Variants in NUP188 observed in about 807,000 individuals in gnomAD.
NUP188 encodes the protein nucleoporin 188.
A neutral mutation model predicts 223.0 loss-of-function variants in NUP188; 97 were observed. The observed-to-expected ratio is 0.43, with a 90% CI of 0.37 to 0.51. The LOEUF is 0.51. NUP188 is among the 20% of genes least tolerant of loss of function. NUP188 has a pLI of 0.00. For synonymous variants in NUP188, 869 were observed against 828.0 expected (o/e 1.05, Z -0.85); for missense variants, 1,947 against 2,175.6 (o/e 0.89, Z 2.09).
chr9:128,979,213 C>G (rs1471819584), intron 12 of NUP188, 49 bp from the exon 13 acceptor site: 2 of 1,320,756 alleles, frequency 1.5e-6, no homozygotes, highest in Admixed American at 1.7e-5. Flanking sequence ...TAAAGATAGA[C>G]TGGTTCAGCT....
chr9:128,970,401 A>G (rs1267375685), intron 10 of NUP188, among the ~76,000 whole-genome samples: 1 of 152,218 alleles, frequency 6.6e-6, no homozygotes, highest in Non-Finnish European at 1.5e-5. Context: ...AGCCTGTGAA[A>G]GAAGAGGAAA....
intron 17 of NUP188, 76 bp from the exon 18 acceptor site, chr9:128,983,217 G>A: frequency 3.5e-6 from 5 of 1,430,596 alleles, no homozygotes; most frequent in Non-Finnish European, 4.9e-6. Context: ...TGGGGAGAGA[G>A]AAGTGGAAAA....
chr9:128,957,046 G>T lies in NUP188; in HGVS notation c.327+14G>T. On this transcript the variant is annotated intron_variant, in intron 5 of 43. Coordinates refer to ENST00000372577, the MANE Select transcript of NUP188 (RefSeq NM_015354.3). ...GACTCAGTAAAGGTTTGTGGTTTATGTCAGCTCCTTTCTTCTGCCTTTATC... is the reference window on the plus strand; with the variant it reads ...GACTCAGTAAAGGTTTGTGGTTTATTTCAGCTCCTTTCTTCTGCCTTTATC... 6.4e-7 allele frequency: 1 copy of T among 1,565,074 alleles called. No individual in the cohort carries two copies. Among genetic ancestry groups the T allele is most frequent in the Non-Finnish European group, 8.7e-7 (1 of 1,143,712 alleles).
Position 128,999,732 on chromosome 9 carries a change from G to A in NUP188, c.3770G>A (p.Ser1257Asn), listed in dbSNP as rs769307211. ...DQTRHSLALG[S>N]ATEDKDSMET... ...ACCCGCCACAGTCTGGCATTAGGCA[G>A]TGCCACAGAGGACAAGGACAGCATG... Residue 1257 changes from serine to asparagine, a missense_variant, in exon 34 of 44, where the codon AGT (serine) becomes AAT (asparagine). Around this residue, in one of 3 missense-constraint regions of NUP188, gnomAD observed 905 missense variants for 990.6 expected, o/e 0.91. Transcript: ENST00000372577. 6.2e-7 allele frequency: 1 copy of A among 1,614,220 alleles called. No individual in the cohort carries two copies. Among genetic ancestry groups the A allele is most frequent in the Non-Finnish European group, 8.5e-7 (1 of 1,180,036 alleles).
At chr9:128,985,604 C>G (rs966548495) in intron 20 of NUP188, among the ~76,000 whole-genome samples, 1 of 152,136 alleles carries the variant, frequency 6.6e-6, no homozygotes, top group African/African-American at 2.4e-5. Flanking sequence ...AGCTGCATGA[C>G]CTTGAGCAAG....
chr9:129,006,888 T>C lies in NUP188; in HGVS notation c.*210T>C. 2 of 487,878 alleles carry C rather than the reference T, an allele frequency of 4.1e-6. No individual in the cohort carries two copies. Among genetic ancestry groups the C allele is most frequent in the Non-Finnish European group, 7.2e-6 (2 of 279,688 alleles). 30.2% of individuals were successfully genotyped at this position (487,878 alleles called of 1,614,324 possible). On this transcript the variant is annotated 3_prime_UTR_variant, in exon 44 of 44. Coordinates refer to ENST00000372577, the MANE Select transcript of NUP188 (RefSeq NM_015354.3). ...AGCAGGCATGGGGAGCCGAGTCTTC[T>C]GTGCTCAGGTCCTCACGCTGCAGAC...
chr9:128,995,664 G>C, intron 30 of NUP188, 150 bp downstream of exon 30: 2 of 679,196 alleles, frequency 2.9e-6, no homozygotes, highest in African/African-American at 1.8e-5. Context: ...TGAGAGATTG[G>C]GACTGTGGGG....
At chr9:128,992,350 A>C (rs1258695305) in intron 25 of NUP188, among the ~76,000 whole-genome samples, 1 of 151,572 alleles carries the variant, frequency 6.6e-6, no homozygotes, top group Non-Finnish European at 1.5e-5. Flanking sequence ...CCACTACAAC[A>C]CCCAGCTGAT....
intron 25 of NUP188, 150 bp from the exon 26 acceptor site, chr9:128,993,047 T>C: frequency 1.6e-6 from 1 of 642,880 alleles, no homozygotes; most frequent in South Asian, 1.8e-5. Flanking sequence ...CATGCTTGTT[T>C]GTGGTGATGT....
At chr9:128,950,647 C>G (rs1423402558) in intron 2 of NUP188, among the ~76,000 whole-genome samples, 1 of 152,078 alleles carries the variant, frequency 6.6e-6, no homozygotes, top group Admixed American at 6.6e-5. Flanking sequence ...TCAAGGCCAA[C>G]CCTGGCAAGA....
At chr9:129,001,176 G>A (rs886466273) in intron 34 of NUP188, among the ~76,000 whole-genome samples, 1 of 152,154 alleles carries the variant, frequency 6.6e-6, no homozygotes, top group African/African-American at 2.4e-5. Context: ...GCATCGGGCA[G>A]GGTCGTAGGG....
At position 128,982,972 on chromosome 9, in the gene NUP188, G is replaced by A. The variant is rs1394503618; in HGVS notation, c.1740G>A (p.Leu580=). 6.2e-7 allele frequency: 1 copy of A among 1,614,152 alleles called. No homozygotes were observed. Among genetic ancestry groups the A allele is most frequent in the Non-Finnish European group, 8.5e-7 (1 of 1,180,010 alleles). ...DLVHKVISTD[L]SIADCLLPIT... is the part of the protein sequence containing the mutation. ...TCCATAAGGTCATCAGTACAGACCT[G>A]TCGATAGCAGACTGTCTCCTGCCCA... The change falls in exon 17 of 44, where the codon CTG becomes CTA. Residue 580 remains leucine (L), a synonymous_variant. Transcript: ENST00000372577.
chr9:128,980,012 A>C (rs999236715), intron 13 of NUP188, among the ~76,000 whole-genome samples: 1 of 152,164 alleles, frequency 6.6e-6, no homozygotes, highest in Non-Finnish European at 1.5e-5. Flanking sequence ...AAGTGCTTTT[A>C]GGAGATTGTA....
chr9:128,987,805 C>T (rs1301264037), intron 23 of NUP188, 88 bp downstream of exon 23: 2 of 1,511,554 alleles, frequency 1.3e-6, no homozygotes. Flanking sequence ...CTTGCAGTAG[C>T]TTTTAGAAGA....
intron 13 of NUP188, among the ~76,000 whole-genome samples, chr9:128,979,901 G>C (rs531215205): frequency 4.7e-4 from 71 of 152,292 alleles, no homozygotes; most frequent in African/African-American, 1.6e-3. Flanking sequence ...CAAAGTGCTG[G>C]GGTTACAGGC....
Position 128,995,458 on chromosome 9 carries a change from G to A in NUP188, c.3295G>A (p.Glu1099Lys). Residue 1099 changes from glutamate to lysine, a missense_variant, in exon 30 of 44, where the codon GAG becomes AAG. Transcript: ENST00000372577. ...AGGCAGCAGCTGCACCTCCTTGTTAGAGTACCAGATGCTGGTGTCCGCCTG... is the reference window on the plus strand; with the variant it reads ...AGGCAGCAGCTGCACCTCCTTGTTAAAGTACCAGATGCTGGTGTCCGCCTG... ...TEGSSCTSLL[E>K]YQMLVSAWRM... The A allele has an allele frequency of 6.2e-7, 1 of 1,613,220 alleles. No individual in the cohort carries two copies. Among genetic ancestry groups the A allele is most frequent in the Non-Finnish European group, 8.5e-7 (1 of 1,179,578 alleles).
Position 129,006,845 on chromosome 9 carries a change from C to G in NUP188, c.*167C>G. ...ACCACCCACTGACGTTATTTTTATA[C>G]TAGATGAAGAGGTCAACAGCAGGCA... On this transcript the variant is annotated 3_prime_UTR_variant, in exon 44 of 44. Transcript: ENST00000372577. 1 of 640,058 alleles carries G rather than the reference C, an allele frequency of 1.6e-6. No homozygotes were observed. The highest frequency in any genetic ancestry group is 2.5e-6 in the Non-Finnish European group (1 of 394,916). The allele number at this position is 640,058 out of a possible 1,614,324, so 39.6% of individuals were successfully genotyped here.
At chr9:128,981,759 G>C (rs187008351) in intron 15 of NUP188, among the ~76,000 whole-genome samples, 2 of 152,134 alleles carry the variant, frequency 1.3e-5, no homozygotes, top group East Asian at 3.9e-4. Context: ...TTGCACTCAA[G>C]TGATTTTCAG....
At chr9:128,949,315 T>C (rs1841742734) in intron 2 of NUP188, 72 bp downstream of exon 2, 1 of 1,086,178 alleles carries the variant, frequency 9.2e-7, no homozygotes, top group Non-Finnish European at 1.4e-6. Context: ...AAAACCTTTT[T>C]TTAAATGTAG....
Sources: allele counts gnomAD v4.1 joint callset (sites outside exome capture counted in the v4.1 genomes callset), GRCh38; gene constraint gnomAD v4.1.1; regional missense constraint gnomAD v4.1.1; transcripts MANE v1.5; gene names NCBI Gene and HGNC (gene_info 2026-07-23, HGNC 2026-07-21).